The following FSTL4 variants were observed in gnomAD, a reference collection of about 807,000 sequenced individuals.
FSTL4 encodes the protein follistatin like 4, also known as follistatin-related protein 4.
Under a neutral mutation model 78.2 loss-of-function variants are expected in FSTL4, and 28 were observed. The ratio of observed to expected loss-of-function variants is 0.36; its 90% CI spans 0.27 to 0.49. The LOEUF is 0.49. Among genes scored for constraint, FSTL4 ranks in the 20% least tolerant of loss-of-function variants. The pLI, the probability that FSTL4 is intolerant of heterozygous loss-of-function variation, is 0.98. For missense variants in FSTL4, 922 were observed against 1,084.9 expected (o/e 0.85, Z 2.11); for synonymous variants, 422 against 440.5 (o/e 0.96, Z 0.53).
At chr5:133,657,827 A>G in the FSTL4 span, among the ~76,000 whole-genome samples, 1 of 141,606 alleles carries the variant, frequency 7.1e-6, no homozygotes, top group Non-Finnish European at 1.5e-5. Context: ...AAACAGATGT[A>G]TAGACTACAT....
intron 7 of FSTL4, 29 bp from the exon 8 acceptor site, chr5:133,233,566 T>C: frequency 6.4e-7 from 1 of 1,564,856 alleles, no homozygotes; most frequent in Non-Finnish European, 8.6e-7. Context: ...ACGATGAGAC[T>C]GGCCTCTTTA....
At chr5:133,392,912 A>C (rs1278008831) in intron 4 of FSTL4, among the ~76,000 whole-genome samples, 1 of 152,240 alleles carries the variant, frequency 6.6e-6, no homozygotes, top group Non-Finnish European at 1.5e-5. Context: ...GAATGTAATT[A>C]ATTCATTCAA....
At chr5:133,616,669 C>T (rs556839085), upstream of FSTL4, among the ~76,000 whole-genome samples, 42 of 152,250 alleles carry the variant, frequency 2.8e-4, no homozygotes, top group Admixed American at 3.3e-4. Context: ...TCCCAAAGAG[C>T]TGGGATTACA....
chr5:133,390,749 C>G (rs1484847893), intron 4 of FSTL4, among the ~76,000 whole-genome samples: 1 of 152,324 alleles, frequency 6.6e-6, no homozygotes, highest in African/African-American at 2.4e-5. Flanking sequence ...TTTACTCTCC[C>G]CTGGGTCACT....
the FSTL4 span, among the ~76,000 whole-genome samples, chr5:133,811,907 T>C: frequency 1.3e-5 from 2 of 152,200 alleles, no homozygotes; most frequent in African/African-American, 4.8e-5. Flanking sequence ...TGTCTTCACT[T>C]GGAATGTCTA....
At chr5:133,257,161 C>T (rs1752399794) in intron 6 of FSTL4, among the ~76,000 whole-genome samples, 1 of 152,166 alleles carries the variant, frequency 6.6e-6, no homozygotes, top group Non-Finnish European at 1.5e-5. Flanking sequence ...TACCAGGAGC[C>T]AGGATACAGT....
At chr5:133,662,768 C>A in the FSTL4 span, among the ~76,000 whole-genome samples, 1 of 152,158 alleles carries the variant, frequency 6.6e-6, no homozygotes, top group South Asian at 2.1e-4. Context: ...CCTGGCTCAA[C>A]GTGGCTCAGG....
chr5:133,369,253 C>T (rs1182655044), intron 4 of FSTL4, among the ~76,000 whole-genome samples: 1 of 152,144 alleles, frequency 6.6e-6, no homozygotes, highest in Non-Finnish European at 1.5e-5. Context: ...GAGAATCATG[C>T]CTCTTAATAA....
chr5:133,400,547 G>A (rs1561703196), intron 4 of FSTL4, among the ~76,000 whole-genome samples, 191 bp downstream of exon 4: 1 of 152,180 alleles, frequency 6.6e-6, no homozygotes, highest in South Asian at 2.1e-4. Context: ...TAAGGGCAGG[G>A]GTCTCTGGAG....
At chr5:133,660,273 C>G in the FSTL4 span, among the ~76,000 whole-genome samples, 1 of 152,134 alleles carries the variant, frequency 6.6e-6, no homozygotes, top group Non-Finnish European at 1.5e-5. Context: ...CAGTCAAGAT[C>G]AGCAGCTTAA....
At chr5:133,358,808 C>T (rs1430260257) in intron 4 of FSTL4, among the ~76,000 whole-genome samples, 4 of 151,998 alleles carry the variant, frequency 2.6e-5, no homozygotes, top group Non-Finnish European at 5.9e-5. Context: ...CCAGGTTGGC[C>T]AGGCTGGTCT....
At chr5:133,798,842 A>C in the FSTL4 span, among the ~76,000 whole-genome samples, 1 of 152,012 alleles carries the variant, frequency 6.6e-6, no homozygotes, top group Non-Finnish European at 1.5e-5. Flanking sequence ...CTGAAGGCAC[A>C]GACCTTAGTC....
At chr5:133,609,956 C>G (rs1478564414) in intron 1 of FSTL4, among the ~76,000 whole-genome samples, 1 of 152,148 alleles carries the variant, frequency 6.6e-6, no homozygotes, top group Non-Finnish European at 1.5e-5. Flanking sequence ...CACAACTAAC[C>G]GCACATAAGC....
intron 4 of FSTL4, among the ~76,000 whole-genome samples, chr5:133,325,829 C>G (rs938000293): frequency 6.6e-6 from 1 of 152,162 alleles, no homozygotes; most frequent in Non-Finnish European, 1.5e-5. Flanking sequence ...ACAGGACATG[C>G]CCCCATCCTC....
intron 3 of FSTL4, among the ~76,000 whole-genome samples, chr5:133,445,523 T>C (rs1350446597): frequency 6.6e-6 from 1 of 152,188 alleles, no homozygotes; most frequent in African/African-American, 2.4e-5. Flanking sequence ...TGGGGTATGC[T>C]GTCTCACCCA....
At chr5:133,209,518 C>A (rs1750637287) in intron 14 of FSTL4, among the ~76,000 whole-genome samples, 1 of 152,162 alleles carries the variant, frequency 6.6e-6, no homozygotes, top group South Asian at 2.1e-4. Flanking sequence ...AATGGGCATT[C>A]AAATCACTTT....
the FSTL4 span, among the ~76,000 whole-genome samples, chr5:133,722,929 G>A: frequency 4.9e-4 from 74 of 152,326 alleles, no homozygotes; most frequent in African/African-American, 1.8e-3. Flanking sequence ...GGCCATGATG[G>A]TGGCCACATA....
At chr5:133,226,828 AC>A (rs1751349939) in intron 8 of FSTL4, among the ~76,000 whole-genome samples, 1 of 152,180 alleles carries the variant, frequency 6.6e-6, no homozygotes, top group African/African-American at 2.4e-5. Flanking sequence ...TTTTCTTGGA[AC>A]CAGAGCATAG....
At chr5:133,761,761 G>C in the FSTL4 span, among the ~76,000 whole-genome samples, 4 of 152,284 alleles carry the variant, frequency 2.6e-5, no homozygotes, top group South Asian at 8.3e-4. Flanking sequence ...CTGATTGAAA[G>C]AGGCTGTAAT....
Sources: gnomAD v4.1 joint callset for allele counts (sites outside exome capture counted in the v4.1 genomes callset) on GRCh38, gnomAD v4.1.1 for gene constraint, MANE v1.5 for transcripts, NCBI Gene and HGNC (gene_info 2026-07-23, HGNC 2026-07-21) for gene names.